Variants in FCRLA observed in about 807,000 individuals in gnomAD.
FCRLA encodes Fc receptor-like A.
FCRLA carries 26 observed loss-of-function variants against 28.4 expected under a neutral mutation model. That is an observed-to-expected ratio of 0.91 (90% CI 0.67 to 1.27). The LOEUF (loss-of-function observed/expected upper bound fraction) is 1.27, where lower values mean the gene tolerates loss of function less well. FCRLA is among the 50% of genes most tolerant of loss of function. FCRLA has a pLI of 0.00. For missense variants in FCRLA, 422 were observed against 433.1 expected, an observed-to-expected ratio of 0.97 and a Z score of 0.23; for synonymous variants, 174 against 168.5, an observed-to-expected ratio of 1.03 and a Z score of -0.25.
chr1:161,710,606 C>T, intron 1 of FCRLA, 154 bp from the exon 2 acceptor site: 1 of 1,358,474 alleles, frequency 7.4e-7, no homozygotes, highest in Non-Finnish European at 1.0e-6. Flanking sequence ...CCCTGAGACA[C>T]TCTCAGGGGT....
rs115059588 is a variant in FCRLA, at chr1:161,712,227, G to T, written c.784+9G>T. 2,338 of 1,604,714 alleles carry T rather than the reference G, an allele frequency of 1.5e-3. 20 individuals carry two copies. In the African/African-American group the frequency reaches 0.027, roughly 18 times the overall value. The stretch of plus-strand genomic sequence containing the variant: ...AGAGATCAGAGTGCAGGGTGAGTTC[G>T]CATCAGAGTGCAGGTTGTCTGTTTG... On this transcript the variant is annotated intron_variant, in intron 4 of 4. Transcript: ENST00000236938.
At chr1:161,711,568 A>G (rs1571065129) in intron 3 of FCRLA, 94 bp downstream of exon 3, 1 of 1,461,308 alleles carries the variant, frequency 6.8e-7, no homozygotes, top group Non-Finnish European at 9.2e-7. Context: ...TAGCAAGATC[A>G]TCAACAGACT....
rs1335578789 is a variant in FCRLA at position 161,711,335 on chromosome 1, T to C, written c.360T>C (p.Gly120=). Residue 120 remains glycine (G), a synonymous_variant, in exon 3 of 5, where the codon GGT becomes GGC. Coordinates refer to ENST00000236938, the MANE Select transcript of FCRLA (RefSeq NM_032738.4). ...VTFYRDGSAL[G]PPGPNREFSI... ...TCTACCGAGATGGCTCAGCTCTGGG[T>C]CCCCCCGGGCCTAACAGGGAATTCT... 8.7e-6 allele frequency: 14 copies of C among 1,613,694 alleles called. No homozygotes were observed. The highest frequency in any genetic ancestry group is 1.2e-5 in the Non-Finnish European group (14 of 1,179,914).
rs932351067 is a variant in FCRLA at position 161,714,151 on chromosome 1, C to T, written c.*771C>T. The T allele has an allele frequency of 6.6e-6, 1 of 152,162 alleles. No homozygotes were observed. Among genetic ancestry groups the T allele is most frequent in the African/African-American group, 2.4e-5 (1 of 41,416 alleles). The allele number at this position is 152,162 out of a possible 1,614,324, so 9.4% of individuals were successfully genotyped here. On this transcript the variant is annotated 3_prime_UTR_variant, in exon 5 of 5. Transcript: ENST00000236938. ...GTGATTAGATCAGGAGTGCAGAGCCCTCATGATTAGGATTAGTGCCCTTAT... is the reference window on the plus strand; with the variant it reads ...GTGATTAGATCAGGAGTGCAGAGCCTTCATGATTAGGATTAGTGCCCTTAT...
chr1:161,707,620 G>A (rs1375284149), intron 1 of FCRLA, among the ~76,000 whole-genome samples: 1 of 152,210 alleles, frequency 6.6e-6, no homozygotes, highest in Non-Finnish European at 1.5e-5. Context: ...TTTCTTAAAA[G>A]AATAGTTTGC....
chr1:161,708,759 C>G (rs1023940996), intron 1 of FCRLA, among the ~76,000 whole-genome samples: 2 of 152,202 alleles, frequency 1.3e-5, no homozygotes, highest in Non-Finnish European at 2.9e-5. Flanking sequence ...TAAATGGTAT[C>G]TTTTCCAGGT....
intron 1 of FCRLA, among the ~76,000 whole-genome samples, chr1:161,707,731 T>C (rs1441862983): frequency 2.0e-5 from 3 of 152,200 alleles, no homozygotes; most frequent in African/African-American, 7.2e-5. Context: ...ATCTCTATAT[T>C]GACTGGGTTA....
Position 161,707,302 on chromosome 1 carries a change from A to G in FCRLA, c.38A>G (p.Tyr13Cys). The change falls in exon 1 of 5, where the codon TAC becomes TGC. Residue 13 changes from tyrosine to cysteine, a missense_variant. This residue lies in a region of FCRLA where 231 missense variants were observed against 214.6 expected (regional missense o/e 1.08). Transcript: ENST00000236938. ...LGCVLMAWAL[Y>C]LSLGVLWVAQ... is the part of the protein sequence containing the mutation. ...TGTGTCCTCATGGCCTGGGCCCTCT[A>G]CCTTTCCCTTGGTGTGCTCTGGGTG... 2 of 1,613,264 alleles carry G rather than the reference A, an allele frequency of 1.2e-6. No individual in the cohort carries two copies. Among genetic ancestry groups the G allele is most frequent in the Non-Finnish European group, 1.7e-6 (2 of 1,179,646 alleles).
At position 161,710,810 on chromosome 1, in the gene FCRLA, A is replaced by G; in HGVS notation, c.130A>G (p.Ser44Gly). 1 of 1,613,952 alleles carries G rather than the reference A, an allele frequency of 6.2e-7. No homozygotes were observed. ...QCEGPVCTEE[S>G]SCHTEDDLTD... Reference sequence around the variant, plus strand: ...TGAGGGACCTGTCTGCACTGAGGAGAGCAGCTGCCACACGGAGGATGACTT... The same window carrying G: ...TGAGGGACCTGTCTGCACTGAGGAGGGCAGCTGCCACACGGAGGATGACTT... The change falls in exon 2 of 5, where the codon AGC becomes GGC. Residue 44 changes from serine to glycine, a missense_variant. This residue lies in a region of FCRLA where 231 missense variants were observed against 214.6 expected (regional missense o/e 1.08). Transcript: ENST00000236938.
chr1:161,713,023 A>T (rs1446387889), intron 4 of FCRLA, 62 bp from the exon 5 acceptor site: 12 of 1,534,754 alleles, frequency 7.8e-6, no homozygotes, highest in Non-Finnish European at 1.1e-5. Flanking sequence ...TTGGCCAGGG[A>T]TGGGAGGGAA....
rs976977638 is a variant in FCRLA, at chr1:161,714,122, G to A, written c.*742G>A. 6.6e-6 allele frequency: 1 copy of A among 152,212 alleles called. No homozygotes were observed. The highest frequency in any genetic ancestry group is 1.5e-5 in the Non-Finnish European group (1 of 68,056). The allele number at this position is 152,212 out of a possible 1,614,324, so 9.4% of individuals were successfully genotyped here. A position where few individuals can be genotyped will look rare whatever the true frequency, so the allele number is the denominator to read the frequency against. ...GATGGCATTAAGAAGTGGGCCTTTGGGAAGTGATTAGATCAGGAGTGCAGA... is the reference window on the plus strand; with the variant it reads ...GATGGCATTAAGAAGTGGGCCTTTGAGAAGTGATTAGATCAGGAGTGCAGA... On this transcript the variant is annotated 3_prime_UTR_variant, in exon 5 of 5. Coordinates refer to ENST00000236938, the MANE Select transcript of FCRLA (RefSeq NM_032738.4).
chr1:161,708,587 T>C (rs12136407), intron 1 of FCRLA, among the ~76,000 whole-genome samples: 60,794 of 152,106 alleles, frequency 0.4, 14,832 homozygotes, highest in Non-Finnish European at 0.55. Context: ...ACTTATGCTC[T>C]AATAAATCTC....
At position 161,713,617 on chromosome 1, in the gene FCRLA, T is replaced by TAG; in HGVS notation, c.*238_*239insGA. ...TTCTGCTGTCTAGATCAGGAATTTC[T>TAG]ATCTGTTATATCGACCAGAATGTTG... On this transcript the variant is annotated 3_prime_UTR_variant, in exon 5 of 5. Coordinates refer to ENST00000236938, the MANE Select transcript of FCRLA (RefSeq NM_032738.4). The TAG allele has an allele frequency of 2.3e-6, 1 of 426,250 alleles. No homozygotes were observed. The highest frequency in any genetic ancestry group is 3.5e-5 in the South Asian group (1 of 28,754). 26.4% of individuals were successfully genotyped at this position (426,250 alleles called of 1,614,324 possible).
intron 2 of FCRLA, 142 bp from the exon 3 acceptor site, chr1:161,711,066 C>G: frequency 2.1e-6 from 3 of 1,428,326 alleles, no homozygotes; most frequent in Non-Finnish European, 2.8e-6. Context: ...AAGTCCTAGG[C>G]CCTAGGGAAG....
chr1:161,711,158 G>A (rs1218709103), intron 2 of FCRLA, 50 bp from the exon 3 acceptor site: 8 of 1,561,462 alleles, frequency 5.1e-6, no homozygotes, highest in African/African-American at 1.4e-5. Context: ...CTTGGGGGTG[G>A]CCCCCAAGGG....
At chr1:161,712,741 A>T (rs1361360476) in intron 4 of FCRLA, among the ~76,000 whole-genome samples, 1 of 152,234 alleles carries the variant, frequency 6.6e-6, no homozygotes, top group Non-Finnish European at 1.5e-5. Flanking sequence ...GAAGGCTGGC[A>T]TTAGCACAAG....
chr1:161,713,486 C>T lies in FCRLA; in HGVS notation c.*106C>T. On this transcript the variant is annotated 3_prime_UTR_variant, in exon 5 of 5. Coordinates refer to ENST00000236938, the MANE Select transcript of FCRLA (RefSeq NM_032738.4). ...TGCATAAGTACTTTTACAAGTTGTC[C>T]CAGTGTTTTGTTAGAATAATGTAGT... 1.1e-6 allele frequency: 1 copy of T among 937,764 alleles called. No individual in the cohort carries two copies. Among genetic ancestry groups the T allele is most frequent in the East Asian group, 2.5e-5 (1 of 39,280 alleles). 58.1% of individuals were successfully genotyped at this position (937,764 alleles called of 1,614,324 possible). A position where few individuals can be genotyped will look rare whatever the true frequency, so the allele number is the denominator to read the frequency against.
intron 2 of FCRLA, 46 bp from the exon 3 acceptor site, chr1:161,711,162 C>T (rs769044205): frequency 1.2e-4 from 183 of 1,573,544 alleles, no homozygotes; most frequent in Non-Finnish European, 6.6e-5. Flanking sequence ...GGGGTGGCCC[C>T]CAAGGGAGGC....
Position 161,713,504 on chromosome 1 carries a change from A to G in FCRLA, c.*124A>G. The G allele has an allele frequency of 1.3e-6, 1 of 770,098 alleles. No homozygotes were observed. The highest frequency in any genetic ancestry group is 1.9e-5 in the South Asian group (1 of 52,976). The allele number at this position is 770,098 out of a possible 1,614,324, so 47.7% of individuals were successfully genotyped here. A position where few individuals can be genotyped will look rare whatever the true frequency, so the allele number is the denominator to read the frequency against. On this transcript the variant is annotated 3_prime_UTR_variant, in exon 5 of 5. Transcript: ENST00000236938. ...AGTTGTCCCAGTGTTTTGTTAGAAT[A>G]ATGTAGTTAGGTGAGTGTAAATAAA...
Sources: allele counts gnomAD v4.1 joint callset (sites outside exome capture counted in the v4.1 genomes callset), GRCh38; gene constraint gnomAD v4.1.1; regional missense constraint gnomAD v4.1.1; transcripts MANE v1.5; gene names NCBI Gene and HGNC (gene_info 2026-07-23, HGNC 2026-07-21).